The following COL5A2 variants were observed in gnomAD, a reference collection of about 807,000 sequenced individuals.
COL5A2 encodes collagen type V alpha 2 chain.
Under a neutral mutation model 208.2 loss-of-function variants are expected in COL5A2, and 23 were observed. The ratio of observed to expected loss-of-function variants is 0.11; its 90% CI spans 0.08 to 0.16. The LOEUF is 0.16. Ranked by LOEUF, COL5A2 falls within the 10% of genes least tolerant of loss-of-function variation. The pLI is 1.00. For synonymous variants in COL5A2, 625 were observed against 628.5 expected (o/e 0.99, Z 0.08); for missense variants, 1,590 against 1,956.4 (o/e 0.81, Z 3.53).
chr2:189,113,086 G>T (rs1463131973), intron 1 of COL5A2, among the ~76,000 whole-genome samples: 1 of 152,156 alleles, frequency 6.6e-6, no homozygotes, highest in Non-Finnish European at 1.5e-5. Context: ...TTGGGTGGGG[G>T]TGCTGGGAGT....
At chr2:189,059,540 T>TATC (rs1685975273) in intron 31 of COL5A2, among the ~76,000 whole-genome samples, 1 of 148,714 alleles carries the variant, frequency 6.7e-6, no homozygotes, top group Non-Finnish European at 1.5e-5. Context: ...TCCCTAATCT[T>TATC]ATCATATTAC....
the COL5A2 span, among the ~76,000 whole-genome samples, chr2:189,337,298 TCAG>T: frequency 6.7e-6 from 1 of 149,954 alleles, no homozygotes; most frequent in Non-Finnish European, 1.5e-5. Context: ...TTCTCCTGCC[TCAG>T]CCTCCCAAGT....
chr2:189,193,248 T>G (rs1218527432), intron 1 of COL5A2, among the ~76,000 whole-genome samples: 1 of 152,102 alleles, frequency 6.6e-6, no homozygotes, highest in Non-Finnish European at 1.5e-5. Flanking sequence ...CTGCCTAAAC[T>G]CAGAAAGATT....
chr2:189,114,070 C>G (rs1687338506), intron 1 of COL5A2, among the ~76,000 whole-genome samples: 1 of 152,150 alleles, frequency 6.6e-6, no homozygotes, highest in Admixed American at 6.6e-5. Flanking sequence ...GTTTTATACT[C>G]TGAGTCATCA....
chr2:189,233,712 T>C, the COL5A2 span, among the ~76,000 whole-genome samples: 3 of 151,768 alleles, frequency 2.0e-5, no homozygotes, highest in Non-Finnish European at 4.4e-5. Context: ...AAAAGTGATA[T>C]GCCATCAGTA....
chr2:189,135,821 T>C (rs181571575), intron 1 of COL5A2, among the ~76,000 whole-genome samples: 18 of 152,350 alleles, frequency 1.2e-4, no homozygotes, highest in African/African-American at 3.6e-4. Flanking sequence ...CCTAACTGTT[T>C]TATATTCTTG....
chr2:189,202,631 G>A (rs1322547465), intron 1 of COL5A2, among the ~76,000 whole-genome samples: 2 of 152,054 alleles, frequency 1.3e-5, no homozygotes, highest in Non-Finnish European at 2.9e-5. Context: ...AAGTGTGGAG[G>A]GTAAATTGAC....
At chr2:189,070,992 GA>G (rs1686263087) in intron 18 of COL5A2, among the ~76,000 whole-genome samples, 1 of 152,204 alleles carries the variant, frequency 6.6e-6, no homozygotes, top group Admixed American at 6.5e-5. Context: ...AGAATAATTT[GA>G]CTTGGTGATT....
At chr2:189,389,983 T>C in the COL5A2 span, among the ~76,000 whole-genome samples, 1 of 152,156 alleles carries the variant, frequency 6.6e-6, no homozygotes, top group Non-Finnish European at 1.5e-5. Flanking sequence ...GTGAAGCATT[T>C]TGTGAAAACA....
intron 1 of COL5A2, among the ~76,000 whole-genome samples, chr2:189,146,417 T>C (rs533286069): frequency 1.3e-5 from 2 of 152,192 alleles, no homozygotes; most frequent in South Asian, 2.1e-4. Flanking sequence ...ACATACAGAA[T>C]GCACATTGGA....
At chr2:189,115,805 A>G (rs1288988764) in intron 1 of COL5A2, among the ~76,000 whole-genome samples, 3 of 152,210 alleles carry the variant, frequency 2.0e-5, no homozygotes, top group Non-Finnish European at 2.9e-5. Context: ...TGAGGAAAGT[A>G]AGGAACTAGT....
chr2:189,139,403 C>A (rs1236176174), intron 1 of COL5A2, among the ~76,000 whole-genome samples: 1 of 152,152 alleles, frequency 6.6e-6, no homozygotes, highest in Non-Finnish European at 1.5e-5. Flanking sequence ...AAACAAAAAT[C>A]ATACACATCC....
chr2:189,079,332 G>A (rs946501911), intron 14 of COL5A2, among the ~76,000 whole-genome samples: 4 of 152,044 alleles, frequency 2.6e-5, no homozygotes, highest in South Asian at 2.1e-4. Flanking sequence ...TAAGATTGAC[G>A]GAAACTATCA....
chr2:189,201,524 G>A (rs953539679), intron 1 of COL5A2, among the ~76,000 whole-genome samples: 3 of 151,848 alleles, frequency 2.0e-5, no homozygotes, highest in Non-Finnish European at 4.4e-5. Context: ...TAGAAGGAGG[G>A]AAACAAGAAA....
the COL5A2 span, among the ~76,000 whole-genome samples, chr2:189,370,736 T>G: frequency 6.6e-6 from 1 of 152,206 alleles, no homozygotes; most frequent in Non-Finnish European, 1.5e-5. Flanking sequence ...AAAACGTATT[T>G]TATTTCCTTT....
intron 1 of COL5A2, among the ~76,000 whole-genome samples, chr2:189,146,279 T>G (rs1480498714): frequency 2.0e-5 from 3 of 152,140 alleles, no homozygotes; most frequent in African/African-American, 7.2e-5. Flanking sequence ...AATATGAACC[T>G]TACTTATTCT....
At chr2:189,306,724 T>G in the COL5A2 span, among the ~76,000 whole-genome samples, 1 of 152,252 alleles carries the variant, frequency 6.6e-6, no homozygotes, top group African/African-American at 2.4e-5. Context: ...ACATTGCTTT[T>G]CACAGGGACT....
chr2:189,287,063 A>G, the COL5A2 span, among the ~76,000 whole-genome samples: 2 of 152,092 alleles, frequency 1.3e-5, no homozygotes, highest in South Asian at 4.1e-4. Flanking sequence ...CAAATTTAAG[A>G]AGTATCAGTT....
the COL5A2 span, among the ~76,000 whole-genome samples, chr2:189,253,028 T>C: frequency 6.6e-6 from 1 of 152,178 alleles, no homozygotes; most frequent in Non-Finnish European, 1.5e-5. Flanking sequence ...TGATCAGATC[T>C]GTGTTATTGA....
Sources: gnomAD v4.1 joint callset for allele counts (sites outside exome capture counted in the v4.1 genomes callset) on GRCh38, gnomAD v4.1.1 for gene constraint, MANE v1.5 for transcripts, NCBI Gene and HGNC (gene_info 2026-07-23, HGNC 2026-07-21) for gene names.